PHTF2: variants seen among roughly 807,000 people sequenced by gnomAD.
PHTF2 encodes protein PHTF2.
PHTF2 carries 60 observed loss-of-function variants against 101.2 expected under a neutral mutation model. The ratio of observed to expected loss-of-function variants is 0.59; its 90% confidence interval spans 0.48 to 0.73. The LOEUF is 0.73. PHTF2 is among the 30% of genes least tolerant of loss of function. The probability of loss-of-function intolerance (pLI) is 0.00; values close to 1 mark genes in which losing one functional copy is unlikely to be tolerated. For missense variants in PHTF2, 747 were observed against 908.7 expected (o/e 0.82, Z 2.29); for synonymous variants, 311 against 307.3 (o/e 1.01, Z -0.13).
chr7:77,950,143 A>C (rs1206003401), intron 17 of PHTF2, among the ~76,000 whole-genome samples: 1 of 152,180 alleles, frequency 6.6e-6, no homozygotes, highest in African/African-American at 2.4e-5. Context: ...CATTTGAGTA[A>C]GTATACATTT....
At position 77,931,506 on chromosome 7, in the gene PHTF2, G is replaced by T. The variant is rs913322505; in HGVS notation, c.1338+2179G>T. ...CAGCCTTGCTATTAGTTAGGGAAAT[G>T]TAAATTAGAACAATTAGATACTACT... is the stretch of plus-strand genomic sequence containing the variant. On this transcript the variant is annotated intron_variant, in intron 12 of 19. Transcript: ENST00000416283. Among the ~76,000 whole-genome samples the T allele has an allele frequency of 3.3e-5, 5 of 152,334 alleles. No homozygotes were observed. The South Asian group carries it at 1.0e-3, about 32-fold the overall frequency.
At chr7:77,920,513 C>A in intron 10 of PHTF2, 48 bp downstream of exon 9, 1 of 1,390,702 alleles carries the variant, frequency 7.2e-7, no homozygotes, top group South Asian at 1.2e-5. Context: ...TTATATTAGC[C>A]AATGTAAAGT....
intron 1 of PHTF2, among the ~76,000 whole-genome samples, chr7:77,821,578 T>C (rs1794295484): frequency 1.3e-5 from 2 of 152,070 alleles, no homozygotes; most frequent in African/African-American, 2.4e-5. Flanking sequence ...CCCTCAGAGC[T>C]GTTTCTCAGG....
intron 1 of PHTF2, among the ~76,000 whole-genome samples, chr7:77,814,460 C>T (rs756314408): frequency 9.9e-5 from 15 of 151,644 alleles, no homozygotes; most frequent in Non-Finnish European, 1.8e-4. Flanking sequence ...CACATTAAAT[C>T]GTTCTTGCAC....
At chr7:77,846,842 T>C (rs1341253428) in intron 2 of PHTF2, among the ~76,000 whole-genome samples, 1 of 151,914 alleles carries the variant, frequency 6.6e-6, no homozygotes, top group Non-Finnish European at 1.5e-5. Flanking sequence ...TGGGTCTTGC[T>C]CTGTTGCCCA....
At chr7:77,927,170 AAAAAAAAATATAT>A (rs1279849073) in intron 11 of PHTF2, among the ~76,000 whole-genome samples, 1 of 92,104 alleles carries the variant, frequency 1.1e-5, no homozygotes, top group African/African-American at 3.7e-5. Context: ...AAAAAAAAAA[AAAAAAAAATATAT>A]ATATATATAT....
chr7:77,849,857 C>T (rs1461118740), intron 2 of PHTF2, among the ~76,000 whole-genome samples: 1 of 152,150 alleles, frequency 6.6e-6, no homozygotes, highest in Non-Finnish European at 1.5e-5. Context: ...ATGTTGATTG[C>T]ATTCTGCAAC....
At chr7:77,901,634 TCTCA>T (rs1216334499) in intron 6 of PHTF2, 124 bp from the exon 6 acceptor site, 8 of 429,880 alleles carry the variant, frequency 1.9e-5, no homozygotes, top group African/African-American at 8.2e-5. Flanking sequence ...ATTGGACATT[TCTCA>T]CTCATAGTAT....
chr7:77,927,461 T>G (rs1804165762), intron 11 of PHTF2, among the ~76,000 whole-genome samples: 2 of 151,934 alleles, frequency 1.3e-5, no homozygotes, highest in Non-Finnish European at 2.9e-5. Context: ...CCAGTCGCAG[T>G]GGCATGTGTC....
At chr7:77,870,581 G>A (rs570111880) in intron 3 of PHTF2, among the ~76,000 whole-genome samples, 4 of 152,198 alleles carry the variant, frequency 2.6e-5, no homozygotes, top group East Asian at 3.9e-4. Context: ...GATTAAGGGT[G>A]GGTCTGCTTT....
chr7:77,859,074 T>C (rs1207401133), intron 3 of PHTF2, among the ~76,000 whole-genome samples: 1 of 152,178 alleles, frequency 6.6e-6, no homozygotes, highest in African/African-American at 2.4e-5. Context: ...GCCTGTAGAT[T>C]CATCATTCCA....
intron 1 of PHTF2, among the ~76,000 whole-genome samples, chr7:77,834,541 A>G (rs747753561): frequency 2.0e-5 from 3 of 152,158 alleles, no homozygotes; most frequent in Admixed American, 6.5e-5. Flanking sequence ...CTCAAGTCCT[A>G]TACTCACGTG....
chr7:77,820,568 G>C (rs1264578341), intron 1 of PHTF2, among the ~76,000 whole-genome samples: 2 of 151,962 alleles, frequency 1.3e-5, no homozygotes, highest in Non-Finnish European at 2.9e-5. Flanking sequence ...ATTAGAGATA[G>C]AGTTTTGCTT....
rs569206570 is a variant in PHTF2 at position 77,836,812 on chromosome 7, C to G, written c.-35-3409C>G. Among the ~76,000 whole-genome samples the G allele has an allele frequency of 7.2e-4, 104 of 144,268 alleles. 2 individuals are homozygous for G. The highest frequency in any genetic ancestry group is 2.6e-3 in the African/African-American group (99 of 38,558). 94.6% of individuals were successfully genotyped at this position (144,268 alleles called of 152,430 possible). Reference sequence around the variant, plus strand: ...GGAGGGAAACATCATACACCAGGGCCGGTCGGGGTGGGGGGCTTGGGGAAG... The same window carrying G: ...GGAGGGAAACATCATACACCAGGGCGGGTCGGGGTGGGGGGCTTGGGGAAG... On this transcript the variant is annotated intron_variant, in intron 1 of 19. Coordinates refer to ENST00000416283, the Ensembl canonical transcript of PHTF2.
chr7:77,888,401 C>A (rs1268403705), intron 3 of PHTF2, among the ~76,000 whole-genome samples: 1 of 152,226 alleles, frequency 6.6e-6, no homozygotes, highest in Non-Finnish European at 1.5e-5. Context: ...CGGGCATGAG[C>A]CGCTGCGCCC....
intron 16 of PHTF2, 45 bp from the exon 16 acceptor site, chr7:77,949,633 T>A: frequency 4.6e-6 from 5 of 1,089,424 alleles, no homozygotes; most frequent in Non-Finnish European, 6.6e-6. Context: ...AAAGAAATTG[T>A]TTGAATCACA....
At chr7:77,919,667 A>G (rs1213265286) in intron 9 of PHTF2, among the ~76,000 whole-genome samples, 4 of 152,192 alleles carry the variant, frequency 2.6e-5, no homozygotes, top group Non-Finnish European at 5.9e-5. Context: ...TTAGATATTT[A>G]TAAGCTGCAT....
chr7:77,828,870 A>G (rs1403585574), intron 1 of PHTF2, among the ~76,000 whole-genome samples: 2 of 151,612 alleles, frequency 1.3e-5, no homozygotes, highest in East Asian at 3.9e-4. Context: ...TCCATCTCAA[A>G]AAAAATAAAA....
chr7:77,947,365 C>T (rs1387310566), intron 16 of PHTF2, among the ~76,000 whole-genome samples: 1 of 152,038 alleles, frequency 6.6e-6, no homozygotes, highest in Non-Finnish European at 1.5e-5. Flanking sequence ...AGTTCAAGAC[C>T]AGCCTGGCCA....
Sources: allele counts gnomAD v4.1 joint callset (sites outside exome capture counted in the v4.1 genomes callset), GRCh38; gene constraint gnomAD v4.1.1; transcripts MANE v1.5; gene names NCBI Gene and HGNC (gene_info 2026-07-23, HGNC 2026-07-21).